Variants in LARP4 observed in about 807,000 individuals in gnomAD.
LARP4 encodes the protein La ribonucleoprotein 4.
Under a neutral mutation model 92.9 loss-of-function variants are expected in LARP4, and 29 were observed. That is an observed-to-expected ratio of 0.31 (90% confidence interval 0.23 to 0.43). The LOEUF (loss-of-function observed/expected upper bound fraction) is 0.43. LARP4 is among the 20% of genes least tolerant of loss of function. LARP4 has a pLI of 1.00. For missense variants in LARP4, 732 were observed against 860.0 expected (o/e 0.85, Z 1.86); for synonymous variants, 279 against 284.1 (o/e 0.98, Z 0.18).
intron 12 of LARP4, among the ~76,000 whole-genome samples, chr12:50,463,511 T>C (rs1319302678): frequency 1.3e-5 from 2 of 149,994 alleles, no homozygotes; most frequent in African/African-American, 4.9e-5. Flanking sequence ...GGCAGGCTGA[T>C]CCCTTGAGCC....
At chr12:50,469,522 T>C (rs758304455) in intron 13 of LARP4, among the ~76,000 whole-genome samples, 4 of 144,902 alleles carry the variant, frequency 2.8e-5, no homozygotes, top group Non-Finnish European at 5.9e-5. Context: ...GAGAATGGCA[T>C]GAACCCGGGA....
At chr12:50,401,201 C>T in intron 1 of LARP4, 173 bp downstream of exon 1, 1 of 733,368 alleles carries the variant, frequency 1.4e-6, no homozygotes, top group Non-Finnish European at 2.4e-6. Flanking sequence ...GCGCTCACAA[C>T]ACTCTAGGAA....
At chr12:50,420,378 T>C (rs953621496) in intron 1 of LARP4, among the ~76,000 whole-genome samples, 1 of 152,186 alleles carries the variant, frequency 6.6e-6, no homozygotes, top group African/African-American at 2.4e-5. Flanking sequence ...AGGTAGCATA[T>C]ATTTTATTGG....
At chr12:50,463,420 CAA>C (rs56129178) in intron 12 of LARP4, among the ~76,000 whole-genome samples, 4 of 87,638 alleles carry the variant, frequency 4.6e-5, no homozygotes, top group Admixed American at 1.1e-4. Context: ...CCCATCTCTC[CAA>C]AAAAAAAAAA....
chr12:50,436,253 T>C (rs1020108335), intron 5 of LARP4, among the ~76,000 whole-genome samples: 1 of 151,446 alleles, frequency 6.6e-6, no homozygotes, highest in African/African-American at 2.4e-5. Flanking sequence ...TATGTATATA[T>C]ATATATATCC....
intron 10 of LARP4, among the ~76,000 whole-genome samples, chr12:50,456,629 C>G (rs915215001): frequency 6.6e-6 from 1 of 152,148 alleles, no homozygotes; most frequent in Admixed American, 6.5e-5. Context: ...TTCAGAAATC[C>G]AGGCATTTTT....
chr12:50,429,687 G>A (rs1158797658), intron 3 of LARP4, among the ~76,000 whole-genome samples: 3 of 152,140 alleles, frequency 2.0e-5, no homozygotes, highest in Admixed American at 2.0e-4. Context: ...TGCCCAGGCC[G>A]GAGTGCAGTG....
In LARP4 at chr12:50,426,684, G is replaced by GGGGTGTGTGT. The variant is rs774548049; in HGVS notation, c.19-1077_19-1076insGGTGTGTGTG. 8.5e-4 allele frequency among the ~76,000 whole-genome samples: 73 copies of GGGGTGTGTGT among 86,168 alleles called. 2 individuals are homozygous for GGGGTGTGTGT. The highest frequency in any genetic ancestry group is 0.018 in the Middle Eastern group (2 of 112). 56.5% of individuals were successfully genotyped at this position (86,168 alleles called of 152,430 possible). A position where few individuals can be genotyped will look rare whatever the true frequency, so the allele number is the denominator to read the frequency against. On this transcript the variant is annotated intron_variant, in intron 1 of 15. Transcript: ENST00000398473. ...GCATGGAACAGGGCATTATGTTTGGGGTGTGTGTGTGTGTGTGTGTGTGTG... is the reference window on the plus strand; with the variant it reads ...GCATGGAACAGGGCATTATGTTTGGGGGGTGTGTGTGTGTGTGTGTGTGTGTGTGTGTGTG...
chr12:50,403,244 G>T (rs1025860309), intron 1 of LARP4, among the ~76,000 whole-genome samples: 1 of 152,178 alleles, frequency 6.6e-6, no homozygotes, highest in East Asian at 1.9e-4. Context: ...GAGGAAGTAA[G>T]TACCTAAGCT....
chr12:50,439,996 A>G (rs993006516), intron 6 of LARP4, among the ~76,000 whole-genome samples: 3 of 152,254 alleles, frequency 2.0e-5, no homozygotes, highest in Non-Finnish European at 4.4e-5. Context: ...TTGCCTAGAA[A>G]ATGTTAATGA....
chr12:50,453,115 G>A (rs1953558102), intron 8 of LARP4, among the ~76,000 whole-genome samples: 1 of 146,550 alleles, frequency 6.8e-6, no homozygotes, highest in Non-Finnish European at 1.5e-5. Context: ...GGGTCTCACT[G>A]TGGTACCCAG....
intron 1 of LARP4, among the ~76,000 whole-genome samples, chr12:50,404,192 A>C (rs1413138860): frequency 2.0e-5 from 3 of 152,032 alleles, no homozygotes; most frequent in Admixed American, 6.6e-5. Context: ...GCACCACTAC[A>C]CTCCAGCCTG....
chr12:50,455,006 T>A (rs144354790), intron 10 of LARP4: 2 of 152,220 alleles, frequency 1.3e-5, no homozygotes, highest in Non-Finnish European at 2.9e-5. Context: ...ATGTAAAATA[T>A]CATGTCTGAG....
At chr12:50,417,853 C>G (rs983442264) in intron 1 of LARP4, among the ~76,000 whole-genome samples, 1 of 152,040 alleles carries the variant, frequency 6.6e-6, no homozygotes, top group African/African-American at 2.4e-5. Flanking sequence ...GCCAACATGC[C>G]TGGCTCATTT....
intron 1 of LARP4, among the ~76,000 whole-genome samples, chr12:50,418,707 C>T (rs893119027): frequency 6.6e-6 from 1 of 152,092 alleles, no homozygotes; most frequent in African/African-American, 2.4e-5. Context: ...AGGCATGAGT[C>T]ACCATGCCTG....
intron 6 of LARP4, among the ~76,000 whole-genome samples, chr12:50,438,620 C>T (rs1321870805): frequency 6.6e-6 from 1 of 152,160 alleles, no homozygotes; most frequent in Non-Finnish European, 1.5e-5. Context: ...TTGAATGATA[C>T]ATTATAATCA....
At chr12:50,471,359 C>T (rs982564762) in intron 13 of LARP4, among the ~76,000 whole-genome samples, 1 of 152,232 alleles carries the variant, frequency 6.6e-6, no homozygotes, top group African/African-American at 2.4e-5. Flanking sequence ...ACTGTTAATA[C>T]AGATGATTGT....
intron 10 of LARP4, among the ~76,000 whole-genome samples, 163 bp from the exon 11 acceptor site, chr12:50,460,972 A>G (rs1014891114): frequency 6.6e-6 from 1 of 152,068 alleles, no homozygotes; most frequent in African/African-American, 2.4e-5. Flanking sequence ...TTAAAATAAC[A>G]TCTGGAATGT....
At chr12:50,437,955 C>G in intron 6 of LARP4, 117 bp downstream of exon 6, 1 of 589,896 alleles carries the variant, frequency 1.7e-6, no homozygotes, top group South Asian at 2.4e-5. Context: ...AAGCATAAGT[C>G]AGTGCCTTCA....
Sources: gnomAD v4.1 joint callset for allele counts (sites outside exome capture counted in the v4.1 genomes callset) on GRCh38, gnomAD v4.1.1 for gene constraint, MANE v1.5 for transcripts, NCBI Gene and HGNC (gene_info 2026-07-23, HGNC 2026-07-21) for gene names.